NEK11: variants seen among roughly 807,000 people sequenced by gnomAD.
NEK11 encodes the protein serine/threonine-protein kinase Nek11.
Under a neutral mutation model 80.7 loss-of-function variants are expected in NEK11, and 72 were observed. The observed-to-expected ratio is 0.89, with a 90% CI of 0.74 to 1.08. The LOEUF (loss-of-function observed/expected upper bound fraction) is 1.08, where lower values mean the gene tolerates loss of function less well. Ranked by LOEUF, NEK11 falls within the 50% of genes least tolerant of loss-of-function variation. The pLI is 0.00. For synonymous variants in NEK11, 251 were observed against 260.7 expected, an observed-to-expected ratio of 0.96 and a Z score of 0.36; for missense variants, 764 against 763.6, an observed-to-expected ratio of 1.00 and a Z score of -0.01.
chr3:131,130,418 C>T (rs2084219208), intron 5 of NEK11, among the ~76,000 whole-genome samples: 2 of 151,934 alleles, frequency 1.3e-5, no homozygotes, highest in African/African-American at 4.8e-5. Flanking sequence ...ATCTCTATTC[C>T]TTTTACACTT....
At position 131,269,871 on chromosome 3, in the gene NEK11, C is replaced by T. The variant is rs188724786; in HGVS notation, c.1622-3607C>T. 5.3e-5 allele frequency among the ~76,000 whole-genome samples: 8 copies of T among 152,288 alleles called. No homozygotes were observed. In the East Asian group the frequency reaches 1.5e-3, roughly 29 times the overall value. On this transcript the variant is annotated intron_variant, in intron 16 of 17. Transcript: ENST00000383366. ...CACATGGGGTTTCATAAAATTTTAT[C>T]TTTGAATTTGTGTTTTATGAGTGAA...
rs1168360592 is a variant in NEK11 at position 131,118,469 on chromosome 3, A to C, written c.455+8548A>C. On this transcript the variant is annotated intron_variant, in intron 5 of 17. Transcript: ENST00000383366. ...TTGTGTGTCTGTGGGCTTTGGTATC[A>C]GGATGTTGCTGGCCTCATAAAATGA... is the stretch of plus-strand genomic sequence containing the variant. 2.6e-4 allele frequency among the ~76,000 whole-genome samples: 39 copies of C among 152,180 alleles called. 1 individual carries two copies. The highest frequency in any genetic ancestry group is 2.6e-3 in the Admixed American group (39 of 15,278).
At chr3:131,228,718 G>A (rs762850525) in intron 15 of NEK11, 30 bp downstream of exon 15, 1 of 1,601,594 alleles carries the variant, frequency 6.2e-7, no homozygotes, top group Non-Finnish European at 8.5e-7. Context: ...GGAAGCCATG[G>A]AACTGTTCAA....
chr3:131,333,631 T>C (rs1471488167), intron 17 of NEK11, among the ~76,000 whole-genome samples: 1 of 152,074 alleles, frequency 6.6e-6, no homozygotes, highest in Non-Finnish European at 1.5e-5. Context: ...TAACTTTAAA[T>C]GTAAATGGAC....
chr3:131,103,488 C>T (rs1185355612), intron 4 of NEK11, among the ~76,000 whole-genome samples: 7 of 152,132 alleles, frequency 4.6e-5, no homozygotes, highest in African/African-American at 1.4e-4. Flanking sequence ...GAAGCTTAAG[C>T]GTATTTGCTG....
intron 3 of NEK11, among the ~76,000 whole-genome samples, chr3:131,040,780 G>A (rs114209503): frequency 8.7e-4 from 132 of 152,322 alleles, no homozygotes; most frequent in African/African-American, 3.1e-3. Context: ...AACTTTCTAA[G>A]AGTGGAAAAT....
intron 14 of NEK11, among the ~76,000 whole-genome samples, chr3:131,195,918 AG>A (rs1288688009): frequency 6.6e-6 from 1 of 150,678 alleles, no homozygotes; most frequent in Non-Finnish European, 1.5e-5. Context: ...TAACCAGTAC[AG>A]TTAGTTATTT....
At chr3:131,348,224 T>C (rs1220536962) in intron 17 of NEK11, among the ~76,000 whole-genome samples, 2 of 151,940 alleles carry the variant, frequency 1.3e-5, no homozygotes, top group African/African-American at 4.8e-5. Flanking sequence ...AAGCCTAATA[T>C]CTAAAGATGA....
At chr3:131,053,593 A>T (rs772565918) in intron 3 of NEK11, 14 of 152,210 alleles carry the variant, frequency 9.2e-5, no homozygotes, top group Non-Finnish European at 1.5e-4. Context: ...TTAACTCTCC[A>T]GTGTCCATGA....
At position 131,324,788 on chromosome 3, in the gene NEK11, A is replaced by T. The variant is rs377727014; in HGVS notation, c.1719-24769A>T. Among the ~76,000 whole-genome samples, 14 of 152,292 alleles carry T rather than the reference A, an allele frequency of 9.2e-5. 1 individual carries two copies. The East Asian group carries it at 1.4e-3, about 15-fold the overall frequency. On this transcript the variant is annotated intron_variant, in intron 17 of 17. Transcript: ENST00000383366. ...TGCTTCCCCCGATAGCCCAGTGCTC[A>T]CTACTAGACAACTCCTTCCCCCTCT...
At chr3:131,209,177 G>T (rs2094534834) in intron 14 of NEK11, among the ~76,000 whole-genome samples, 1 of 152,124 alleles carries the variant, frequency 6.6e-6, no homozygotes, top group Non-Finnish European at 1.5e-5. Flanking sequence ...AGCATGAAGG[G>T]CTGTTGAACT....
chr3:131,184,963 C>A (rs1423641933), intron 14 of NEK11, among the ~76,000 whole-genome samples: 2 of 152,004 alleles, frequency 1.3e-5, no homozygotes, highest in Non-Finnish European at 2.9e-5. Context: ...GAAGGGTCAC[C>A]AGAGTAATCC....
At chr3:131,091,955 G>T (rs915861666) in intron 4 of NEK11, among the ~76,000 whole-genome samples, 4 of 152,190 alleles carry the variant, frequency 2.6e-5, no homozygotes, top group Admixed American at 2.0e-4. Context: ...CCTTATTTGG[G>T]CATGGTGTGA....
chr3:131,192,267 T>C (rs932721511), intron 14 of NEK11, among the ~76,000 whole-genome samples: 3 of 152,072 alleles, frequency 2.0e-5, no homozygotes, highest in African/African-American at 7.2e-5. Flanking sequence ...GAATGGCAAC[T>C]ATCAAAAAAC....
At chr3:131,071,383 CT>C (rs1054769252) in intron 3 of NEK11, among the ~76,000 whole-genome samples, 17 of 151,884 alleles carry the variant, frequency 1.1e-4, no homozygotes, top group African/African-American at 3.4e-4. Flanking sequence ...TTTAAGAATT[CT>C]TTTTTTCTTG....
intron 7 of NEK11, among the ~76,000 whole-genome samples, chr3:131,136,473 G>GGA (rs1372303217): frequency 1.3e-5 from 2 of 152,098 alleles, no homozygotes; most frequent in Non-Finnish European, 1.5e-5. Flanking sequence ...AAACACTTAT[G>GGA]AATAATTGAC....
intron 14 of NEK11, among the ~76,000 whole-genome samples, chr3:131,211,054 G>C: frequency 6.6e-6 from 1 of 152,160 alleles, no homozygotes; most frequent in South Asian, 2.1e-4. Flanking sequence ...AGTTGATGCA[G>C]TTTCTTCCTA....
intron 7 of NEK11, among the ~76,000 whole-genome samples, chr3:131,141,362 A>G (rs2086865527): frequency 6.6e-6 from 1 of 152,140 alleles, no homozygotes; most frequent in South Asian, 2.1e-4. Flanking sequence ...GGATGGGGAA[A>G]AATGGAGAAG....
chr3:131,081,369 T>A (rs1450245449), intron 4 of NEK11, among the ~76,000 whole-genome samples: 1 of 152,196 alleles, frequency 6.6e-6, no homozygotes, highest in Non-Finnish European at 1.5e-5. Flanking sequence ...TATCAATTTG[T>A]GGTTTACAGC....
Sources: gnomAD v4.1 joint callset for allele counts (sites outside exome capture counted in the v4.1 genomes callset) on GRCh38, gnomAD v4.1.1 for gene constraint, MANE v1.5 for transcripts, NCBI Gene and HGNC (gene_info 2026-07-23, HGNC 2026-07-21) for gene names.